The following NIPBL variants were observed in gnomAD, a reference collection of about 807,000 sequenced individuals.
NIPBL encodes the protein nipped-B-like protein.
In NIPBL, 19 loss-of-function variants were observed where a neutral mutation model predicts 321.8. That is an observed-to-expected ratio of 0.06 (90% confidence interval 0.04 to 0.09). The LOEUF (loss-of-function observed/expected upper bound fraction) is 0.09, where lower values mean the gene tolerates loss of function less well. Ranked by LOEUF, NIPBL falls within the 10% of genes least tolerant of loss-of-function variation. The pLI is 1.00. For missense variants in NIPBL, 2,210 were observed against 3,327.0 expected, an observed-to-expected ratio of 0.66 and a Z score of 8.26; for synonymous variants, 1,106 against 1,114.1, an observed-to-expected ratio of 0.99 and a Z score of 0.14.
chr5:37,053,646 A>G (rs1222821324), intron 42 of NIPBL, among the ~76,000 whole-genome samples: 3 of 152,180 alleles, frequency 2.0e-5, no homozygotes, highest in South Asian at 2.1e-4. Context: ...CAAAACAGCA[A>G]TTGGGGAGAT....
intron 33 of NIPBL, among the ~76,000 whole-genome samples, chr5:37,037,726 G>A (rs1751872525): frequency 6.8e-6 from 1 of 147,440 alleles, no homozygotes; most frequent in African/African-American, 2.5e-5. Context: ...GGGTGATACT[G>A]ATGTCCCTTA....
chr5:37,054,195 CAAAAA>C (rs1200216062), intron 42 of NIPBL, among the ~76,000 whole-genome samples: 1 of 57,580 alleles, frequency 1.7e-5, no homozygotes. Context: ...GACTCCGTCT[CAAAAA>C]AAAAAAAAAA....
intron 32 of NIPBL, among the ~76,000 whole-genome samples, chr5:37,031,443 C>T (rs1338780283): frequency 6.6e-6 from 1 of 152,132 alleles, no homozygotes; most frequent in Non-Finnish European, 1.5e-5. Flanking sequence ...TTAGTTTAAA[C>T]CACTACCATA....
At chr5:37,011,810 C>A (rs1460134646) in intron 21 of NIPBL, among the ~76,000 whole-genome samples, 1 of 151,858 alleles carries the variant, frequency 6.6e-6, no homozygotes, top group African/African-American at 2.4e-5. Context: ...TTAATACATA[C>A]AACTCATACT....
intron 27 of NIPBL, among the ~76,000 whole-genome samples, chr5:37,021,459 G>C (rs1749627532): frequency 6.6e-6 from 1 of 152,166 alleles, no homozygotes; most frequent in Non-Finnish European, 1.5e-5. Context: ...AAGGCGGGCA[G>C]ATTACGAGGT....
In NIPBL at chr5:36,930,533, A is replaced by G. The variant is rs139061605; in HGVS notation, c.-79-23085A>G. Among the ~76,000 whole-genome samples the G allele has an allele frequency of 5.5e-3, 839 of 152,128 alleles. 6 individuals are homozygous for G. Among genetic ancestry groups the G allele is most frequent in the Non-Finnish European group, 7.7e-3 (526 of 67,956 alleles). ...CTTCCTGTCTAATCTGAATGCATTT[A>G]ATATCTTTTTAAGTTTTTTTCTTAA... On this transcript the variant is annotated intron_variant, in intron 1 of 46. Coordinates refer to ENST00000282516, the MANE Select transcript of NIPBL (RefSeq NM_133433.4).
intron 6 of NIPBL, among the ~76,000 whole-genome samples, chr5:36,970,055 T>C (rs1742681392): frequency 6.6e-6 from 1 of 152,138 alleles, no homozygotes; most frequent in African/African-American, 2.4e-5. Context: ...ATAAATAGTG[T>C]ACATCATACA....
intron 1 of NIPBL, among the ~76,000 whole-genome samples, chr5:36,884,426 T>C (rs1047219059): frequency 1.3e-5 from 2 of 152,190 alleles, no homozygotes; most frequent in African/African-American, 4.8e-5. Flanking sequence ...TATATTACTT[T>C]TCAAAATGTC....
rs750309699 is a variant in NIPBL, at chr5:37,048,586, C to T, written c.6674C>T (p.Ser2225Phe). The T allele has an allele frequency of 8.1e-6, 13 of 1,598,294 alleles. No individual in the cohort carries two copies. The highest frequency in any genetic ancestry group is 1.0e-5 in the Non-Finnish European group (12 of 1,168,174). ...LYNNILSDKN[S>F]SVNLKIQVLK... The stretch of plus-strand genomic sequence containing the variant: ...AATAATATTTTATCTGATAAGAACT[C>T]CTCAGTCAATTTAAAAATACAAGTG... The change falls in exon 39 of 47, where the codon TCC becomes TTC. Residue 2225 changes from serine (S) to phenylalanine (F), a missense_variant. Physicochemically the swap from Ser to Phe is radical, Grantham distance 155. Transcript: ENST00000282516.
intron 1 of NIPBL, among the ~76,000 whole-genome samples, chr5:36,897,863 A>G (rs1479365822): frequency 6.7e-6 from 1 of 150,330 alleles, no homozygotes; most frequent in East Asian, 1.9e-4. Context: ...TCAGTAGTGC[A>G]TCTGGAAAGC....
At chr5:36,941,055 T>C (rs541261681) in intron 1 of NIPBL, among the ~76,000 whole-genome samples, 1 of 152,262 alleles carries the variant, frequency 6.6e-6, no homozygotes, top group South Asian at 2.1e-4. Context: ...AAGTGCATGA[T>C]AGTGAATACA....
chr5:37,031,671 T>C (rs1039910619), intron 32 of NIPBL, among the ~76,000 whole-genome samples: 2 of 152,194 alleles, frequency 1.3e-5, no homozygotes, highest in African/African-American at 2.4e-5. Context: ...CAGAGCAAGA[T>C]CTTTCCGAGT....
chr5:37,004,460 A>T (rs7716192), intron 16 of NIPBL, among the ~76,000 whole-genome samples: 4 of 150,374 alleles, frequency 2.7e-5, no homozygotes, highest in Non-Finnish European at 4.4e-5. Flanking sequence ...GCTGGAGTGC[A>T]GTGCTACAGT....
At chr5:36,925,424 A>G (rs568732091) in intron 1 of NIPBL, among the ~76,000 whole-genome samples, 12 of 151,812 alleles carry the variant, frequency 7.9e-5, no homozygotes, top group Non-Finnish European at 1.3e-4. Flanking sequence ...ATGTACCACC[A>G]CACCGGCTAA....
chr5:36,880,949 C>G (rs1427552497), intron 1 of NIPBL, among the ~76,000 whole-genome samples: 1 of 151,986 alleles, frequency 6.6e-6, no homozygotes, highest in Admixed American at 6.5e-5. Flanking sequence ...TTCCCTGACA[C>G]TAGTATTTTC....
intron 8 of NIPBL, 96 bp from the exon 9 acceptor site, chr5:36,975,680 T>G: frequency 8.8e-7 from 1 of 1,134,900 alleles, no homozygotes; most frequent in Non-Finnish European, 1.3e-6. Context: ...TATTTTTTTC[T>G]AGTATTACTA....
rs190310465 is a variant in NIPBL, at chr5:37,062,223, G to A, written c.7860+1205G>A. On this transcript the variant is annotated intron_variant, in intron 45 of 46. Coordinates refer to ENST00000282516, the MANE Select transcript of NIPBL (RefSeq NM_133433.4). ...CGCAGGTGCGGAATCCGGGGATACA[G>A]AGGGCTATGTTTTTAATTCAGAAAA... Among the ~76,000 whole-genome samples, 203 of 152,340 alleles carry A rather than the reference G, an allele frequency of 1.3e-3. 1 individual carries two copies. In the Middle Eastern group the frequency reaches 0.014, roughly 10 times the overall value.
chr5:36,973,915 G>A (rs1302725146), intron 8 of NIPBL, among the ~76,000 whole-genome samples: 1 of 152,246 alleles, frequency 6.6e-6, no homozygotes, highest in African/African-American at 2.4e-5. Context: ...CCACTTAAGA[G>A]TGAGAACCTG....
At chr5:37,029,403 A>G (rs1448416852) in intron 32 of NIPBL, among the ~76,000 whole-genome samples, 1 of 152,186 alleles carries the variant, frequency 6.6e-6, no homozygotes, top group Non-Finnish European at 1.5e-5. Flanking sequence ...ATATATTAAT[A>G]TATCTTTTTA....
Sources: allele counts gnomAD v4.1 joint callset (sites outside exome capture counted in the v4.1 genomes callset), GRCh38; gene constraint gnomAD v4.1.1; transcripts MANE v1.5; gene names NCBI Gene and HGNC (gene_info 2026-07-23, HGNC 2026-07-21).